The following ZNF680 variants were observed in gnomAD, a reference collection of about 807,000 sequenced individuals.
The protein encoded by ZNF680 is hypothetical protein FLJ90430.
Under a neutral mutation model 12.1 loss-of-function variants are expected in ZNF680, and 6 were observed. The observed-to-expected ratio is 0.49, with a 90% CI of 0.27 to 0.98. The LOEUF (loss-of-function observed/expected upper bound fraction) is 0.98, where lower values mean the gene tolerates loss of function less well. Ranked by LOEUF, ZNF680 falls within the 50% of genes least tolerant of loss-of-function variation. The pLI, the probability that ZNF680 is intolerant of heterozygous loss-of-function variation, is 0.12. For missense variants in ZNF680, 561 were observed against 616.3 expected, an observed-to-expected ratio of 0.91 and a Z score of 0.95; for synonymous variants, 170 against 199.3, an observed-to-expected ratio of 0.85 and a Z score of 1.24.
chr7:64,523,774 A>G (rs1791675296), intron 3 of ZNF680, among the ~76,000 whole-genome samples: 1 of 151,840 alleles, frequency 6.6e-6, no homozygotes, highest in Non-Finnish European at 1.5e-5. Flanking sequence ...TTAGCTGGGC[A>G]TGGTGGTGGG....
chr7:64,535,326 G>A (rs952442086), intron 3 of ZNF680, among the ~76,000 whole-genome samples: 2 of 149,628 alleles, frequency 1.3e-5, no homozygotes, highest in South Asian at 4.2e-4. Flanking sequence ...TAATTATCAC[G>A]CCACTGCAAA....
chr7:64,508,140 T>TATATATACACATACATATACATAC, the ZNF680 span, among the ~76,000 whole-genome samples: 5 of 134,808 alleles, frequency 3.7e-5, no homozygotes, highest in African/African-American at 1.5e-4. Context: ...TATATATATA[T>TATATATACACATACATATACATAC]ATACATAATT....
intron 3 of ZNF680, among the ~76,000 whole-genome samples, chr7:64,522,925 CA>C (rs796936065): frequency 7.3e-5 from 11 of 150,904 alleles, no homozygotes; most frequent in African/African-American, 2.7e-4. Context: ...ATCTGTCCTA[CA>C]AAATGGAAAA....
At position 64,562,981 on chromosome 7, in the gene ZNF680, C is replaced by A. The variant is rs375559045; in HGVS notation, c.-27G>T. ...TTAGCTGTGCATCTCCCAATACCTG[C>A]AGATAACGGAGTCACAGAGGCTGGG... On this transcript the variant is annotated 5_prime_UTR_variant, in exon 1 of 4. Transcript: ENST00000309683. 6.2e-7 allele frequency: 1 copy of A among 1,613,122 alleles called. No homozygotes were observed. The highest frequency in any genetic ancestry group is 8.5e-7 in the Non-Finnish European group (1 of 1,179,308).
At chr7:64,501,696 C>CA in the ZNF680 span, 7 of 1,052,770 alleles carry the variant, frequency 6.6e-6, no homozygotes, top group South Asian at 1.2e-5. Flanking sequence ...GAGAGGATGA[C>CA]AGAGACAGCG....
chr7:64,511,299 C>T, the ZNF680 span, among the ~76,000 whole-genome samples: 1 of 151,928 alleles, frequency 6.6e-6, no homozygotes, highest in African/African-American at 2.4e-5. Context: ...AAACCTAAAA[C>T]ACAAAAACTT....
downstream of ZNF680, among the ~76,000 whole-genome samples, chr7:64,517,173 TA>T (rs1562727405): frequency 1.3e-5 from 2 of 151,968 alleles, no homozygotes; most frequent in African/African-American, 4.8e-5. Context: ...CCTGGTTTTT[TA>T]AAGGATAAAT....
chr7:64,553,052 G>T, intron 1 of ZNF680, among the ~76,000 whole-genome samples: 1 of 151,860 alleles, frequency 6.6e-6, no homozygotes. Flanking sequence ...CTTGAACCTG[G>T]GAAATGGAGT....
At chr7:64,505,037 G>A in the ZNF680 span, among the ~76,000 whole-genome samples, 3 of 152,158 alleles carry the variant, frequency 2.0e-5, no homozygotes, top group Non-Finnish European at 4.4e-5. Flanking sequence ...TTGGAAACCC[G>A]AGGGAGCCAT....
chr7:64,529,413 C>T (rs1785744135), intron 3 of ZNF680, among the ~76,000 whole-genome samples: 1 of 151,964 alleles, frequency 6.6e-6, no homozygotes, highest in African/African-American at 2.4e-5. Flanking sequence ...ATTCAAAGAA[C>T]AATACACAAA....
chr7:64,528,959 A>T (rs1393617805), intron 3 of ZNF680, among the ~76,000 whole-genome samples: 1 of 152,166 alleles, frequency 6.6e-6, no homozygotes, highest in East Asian at 1.9e-4. Flanking sequence ...AGGTGCTGGT[A>T]TCCACAGCTG....
rs1257048811 is a variant in ZNF680 at position 64,546,613 on chromosome 7, T to C, written c.31-2181A>G. Among the ~76,000 whole-genome samples, 3 of 152,064 alleles carry C rather than the reference T, an allele frequency of 2.0e-5. No homozygotes were observed. The South Asian group carries it at 6.2e-4, about 32-fold the overall frequency. ...AAAAAATTAGCCAGGCATGGCAGCA[T>C]GAGCCTGTAATCCCAGCTATTCAGG... is the stretch of plus-strand genomic sequence containing the variant. On this transcript the variant is annotated intron_variant, in intron 1 of 3. Transcript: ENST00000309683.
intron 1 of ZNF680, 64 bp from the exon 2 acceptor site, chr7:64,544,496 G>C: frequency 6.4e-7 from 1 of 1,552,138 alleles, no homozygotes; most frequent in Non-Finnish European, 8.7e-7. Context: ...AATGACCATG[G>C]GCAGAATTTT....
At chr7:64,544,216 T>G in intron 2 of ZNF680, 90 bp downstream of exon 2, 1 of 1,504,154 alleles carries the variant, frequency 6.6e-7, no homozygotes. Context: ...AACTCATTTA[T>G]GCAAAGCACA....
rs760305944 is a variant in ZNF680, at chr7:64,522,287, C to T, written c.467G>A (p.Cys156Tyr). 6.2e-7 allele frequency: 1 copy of T among 1,613,132 alleles called. No homozygotes were observed. The highest frequency in any genetic ancestry group is 1.1e-5 in the South Asian group (1 of 91,006). ...LRTTQSKIFQ[C>Y]DKYVKVFHKF... ...ATGAAAGACTTTCACGTATTTATCACATTGAAATATTTTGCTCTGGGTAGT... is the reference window on the plus strand; with the variant it reads ...ATGAAAGACTTTCACGTATTTATCATATTGAAATATTTTGCTCTGGGTAGT... The change falls in exon 4 of 4, where the codon TGT (cysteine) becomes TAT (tyrosine). Residue 156 changes from cysteine (C) to tyrosine (Y), a missense_variant. Physicochemically the swap from Cys to Tyr is radical, Grantham distance 194. Coordinates refer to ENST00000309683, the MANE Select transcript of ZNF680 (RefSeq NM_178558.5).
Position 64,562,938 on chromosome 7 carries a change from C to T in ZNF680, c.17G>A (p.Gly6Glu). 1 of 1,613,896 alleles carries T rather than the reference C, an allele frequency of 6.2e-7. No individual in the cohort carries two copies. The highest frequency in any genetic ancestry group is 8.5e-7 in the Non-Finnish European group (1 of 1,179,794). MPGPP[G>E]SLEMGPLTFR... Reference sequence around the variant, plus strand: ...CCGCACTCTCACCATTTCTAGGCTTCCAGGTGGTCCTGGCATCTTAGCTGT... The same window carrying T: ...CCGCACTCTCACCATTTCTAGGCTTTCAGGTGGTCCTGGCATCTTAGCTGT... Residue 6 changes from glycine to glutamate, a missense_variant, in exon 1 of 4, where the codon GGA (glycine) becomes GAA (glutamate). Transcript: ENST00000309683.
At chr7:64,525,924 C>A in intron 3 of ZNF680, 1 of 984,872 alleles carries the variant, frequency 1.0e-6, no homozygotes, top group Non-Finnish European at 1.2e-6. Flanking sequence ...CAGGTAAACA[C>A]AGAGATCGTT....
At chr7:64,555,912 C>G (rs1787389665) in intron 1 of ZNF680, among the ~76,000 whole-genome samples, 1 of 151,706 alleles carries the variant, frequency 6.6e-6, no homozygotes, top group Non-Finnish European at 1.5e-5. Flanking sequence ...TGCACACAAA[C>G]TAGAAAATAG....
At chr7:64,529,290 C>G (rs956953218) in intron 3 of ZNF680, among the ~76,000 whole-genome samples, 3 of 152,080 alleles carry the variant, frequency 2.0e-5, no homozygotes, top group Non-Finnish European at 4.4e-5. Context: ...AGCTAACCAG[C>G]AATAAATCCA....
Sources: gnomAD v4.1 joint callset for allele counts (sites outside exome capture counted in the v4.1 genomes callset) on GRCh38, gnomAD v4.1.1 for gene constraint, MANE v1.5 for transcripts, NCBI Gene and HGNC (gene_info 2026-07-23, HGNC 2026-07-21) for gene names.